ARHGEF3: variants seen among roughly 807,000 people sequenced by gnomAD.
The protein encoded by ARHGEF3 is Rho guanine nucleotide exchange factor 3, also known as 59.8 kDA protein.
A neutral mutation model predicts 63.2 loss-of-function variants in ARHGEF3; 28 were observed. That is an observed-to-expected ratio of 0.44 (90% CI 0.33 to 0.61). ARHGEF3 has a LOEUF of 0.61. Ranked by LOEUF, ARHGEF3 falls within the 20% of genes least tolerant of loss-of-function variation. The pLI, the probability that ARHGEF3 is intolerant of heterozygous loss-of-function variation, is 0.03. For synonymous variants in ARHGEF3, 266 were observed against 254.2 expected (o/e 1.05, Z -0.44); for missense variants, 533 against 659.3 (o/e 0.81, Z 2.10).
intron 2 of ARHGEF3, chr3:56,959,036 C>T (rs1700166744): frequency 1.2e-6 from 1 of 813,754 alleles, no homozygotes; most frequent in Non-Finnish European, 2.0e-6. Context: ...GCTCTGCAAT[C>T]TTCAGCAGCC....
In ARHGEF3 at chr3:56,773,716, G is replaced by T. The variant is rs770710162; in HGVS notation, c.197C>A (p.Thr66Asn). 1.3e-6 allele frequency: 2 copies of T among 1,583,256 alleles called. No homozygotes were observed. Among genetic ancestry groups the T allele is most frequent in the Admixed American group, 3.9e-5 (2 of 50,798 alleles). Residue 66 changes from threonine to asparagine, a missense_variant, in exon 2 of 10, where the codon ACC (threonine) becomes AAC (asparagine). Physicochemically the swap from Thr to Asn is moderately conservative, Grantham distance 65. Coordinates refer to ENST00000296315, the MANE Select transcript of ARHGEF3 (RefSeq NM_019555.3). ...CCTGTGTGCCCTTCTTACCTGCAGG[G>T]TTTGACTGAAGCGCTTTAATGGCGT... ...KATPLKRFSQTLQRSISFRSE... is the reference protein window; with the variant it reads ...KATPLKRFSQNLQRSISFRSE...
chr3:56,872,012 C>T (rs1442635467), intron 4 of ARHGEF3, among the ~76,000 whole-genome samples: 1 of 151,818 alleles, frequency 6.6e-6, no homozygotes. Flanking sequence ...CTTATCATAT[C>T]ACTGAAGGTG....
intron 4 of ARHGEF3, among the ~76,000 whole-genome samples, chr3:56,831,053 T>A (rs75665326): frequency 0.095 from 14,458 of 152,250 alleles, 768 homozygotes; most frequent in South Asian, 0.13. Context: ...AAGACAGAGA[T>A]CTTGTCCCTC....
intron 3 of ARHGEF3, among the ~76,000 whole-genome samples, chr3:56,909,642 A>G (rs920057810): frequency 6.6e-6 from 1 of 152,270 alleles, no homozygotes; most frequent in Non-Finnish European, 1.5e-5. Context: ...GTACCAGTAC[A>G]TCACCATTCA....
At chr3:56,798,537 GTT>G (rs368922829) in intron 1 of ARHGEF3, among the ~76,000 whole-genome samples, 40,692 of 138,650 alleles carry the variant, frequency 0.29, 6,365 homozygotes, top group East Asian at 0.47. Flanking sequence ...TCTTTACTTC[GTT>G]TTTTTTTTTT....
In ARHGEF3 at chr3:56,863,110, C is replaced by A. The variant is rs552204281; in HGVS notation, c.192+19182G>T. 8.4e-4 allele frequency among the ~76,000 whole-genome samples: 127 copies of A among 152,060 alleles called. 2 individuals carry two copies. Among genetic ancestry groups the A allele is most frequent in the South Asian group, 2.7e-3 (13 of 4,812 alleles). Reference sequence around the variant, plus strand: ...TGTGTAAGCAAACTCAGATACTGATCTCCTATTATTAAACCAACACATTTA... The same window carrying A: ...TGTGTAAGCAAACTCAGATACTGATATCCTATTATTAAACCAACACATTTA... On this transcript the variant is annotated intron_variant, in intron 4 of 12. Coordinates refer to the ARHGEF3 transcript ENST00000338458.
chr3:56,744,487 C>G (rs963270293), intron 7 of ARHGEF3, among the ~76,000 whole-genome samples: 2 of 151,444 alleles, frequency 1.3e-5, no homozygotes, highest in African/African-American at 4.9e-5. Flanking sequence ...CAACCTCCAC[C>G]TCCCAGGCTC....
chr3:57,028,770 T>G (rs1473933710), intron 2 of ARHGEF3, among the ~76,000 whole-genome samples: 2 of 151,904 alleles, frequency 1.3e-5, no homozygotes, highest in Non-Finnish European at 2.9e-5. Flanking sequence ...CAATATGTGT[T>G]GTTCACTGGG....
chr3:56,773,290 G>T lies in ARHGEF3; in HGVS notation c.204+419C>A, dbSNP rs961115495. Among the ~76,000 whole-genome samples the T allele has an allele frequency of 2.6e-5, 4 of 152,138 alleles. No homozygotes were observed. The East Asian group carries it at 7.7e-4, about 29-fold the overall frequency. ...AAAAAGTAAAAATCAGGCTTAGCTT[G>T]TGAGCCATAAAAAAACAGGTGGTGA... On this transcript the variant is annotated intron_variant, in intron 2 of 9. Transcript: ENST00000296315.
chr3:56,736,453 T>A (rs534748633), intron 8 of ARHGEF3, among the ~76,000 whole-genome samples: 2 of 152,348 alleles, frequency 1.3e-5, no homozygotes, highest in East Asian at 1.9e-4. Context: ...TTGTTATTTT[T>A]AAAAAATTGG....
rs540550053 is a variant in ARHGEF3 at position 56,899,456 on chromosome 3, C to T, written c.130-17102G>A. Among the ~76,000 whole-genome samples, 4 of 152,278 alleles carry T rather than the reference C, an allele frequency of 2.6e-5. No individual in the cohort carries two copies. The East Asian group carries it at 7.7e-4, about 29-fold the overall frequency. On this transcript the variant is annotated intron_variant, in intron 3 of 12. Transcript: ENST00000338458. ...TACCATGCCCAATCTTTCTCTTCTACGTACAAAGAGGCTCAGACAATAGCA... is the reference window on the plus strand; with the variant it reads ...TACCATGCCCAATCTTTCTCTTCTATGTACAAAGAGGCTCAGACAATAGCA...
At chr3:56,787,297 A>G (rs1163066540) in intron 1 of ARHGEF3, among the ~76,000 whole-genome samples, 3 of 152,190 alleles carry the variant, frequency 2.0e-5, no homozygotes, top group African/African-American at 7.2e-5. Context: ...GACTGTGCAG[A>G]GGGCCACTTG....
intron 2 of ARHGEF3, among the ~76,000 whole-genome samples, chr3:56,964,711 C>T (rs906347670): frequency 1.1e-4 from 17 of 151,858 alleles, no homozygotes; most frequent in African/African-American, 3.6e-4. Flanking sequence ...TGAGGAGTGC[C>T]GCAGGGTCTC....
intron 2 of ARHGEF3, among the ~76,000 whole-genome samples, chr3:56,769,116 T>C (rs537425237): frequency 1.8e-4 from 27 of 152,350 alleles, no homozygotes; most frequent in Admixed American, 1.7e-3. Context: ...CATTCACTTT[T>C]ATAATGGAAA....
chr3:57,041,379 C>T (rs1240162290), intron 1 of ARHGEF3, among the ~76,000 whole-genome samples: 1 of 152,082 alleles, frequency 6.6e-6, no homozygotes, highest in East Asian at 1.9e-4. Flanking sequence ...GTTCAAGATC[C>T]CAAAGTGTAT....
chr3:56,949,385 C>T (rs995913319), intron 3 of ARHGEF3, among the ~76,000 whole-genome samples: 1,770 of 151,762 alleles, frequency 0.012, 37 homozygotes, highest in African/African-American at 0.032. Flanking sequence ...AAAACCCCAT[C>T]GTCTCAGCCC....
intron 4 of ARHGEF3, among the ~76,000 whole-genome samples, chr3:56,818,739 G>C (rs558477088): frequency 1.3e-5 from 2 of 152,186 alleles, no homozygotes; most frequent in African/African-American, 4.8e-5. Flanking sequence ...GCCATCCTAC[G>C]CGCTTGGAAT....
chr3:56,793,318 C>T (rs1371891848), intron 1 of ARHGEF3, among the ~76,000 whole-genome samples: 4 of 152,116 alleles, frequency 2.6e-5, no homozygotes, highest in African/African-American at 9.7e-5. Flanking sequence ...TACAGGTGCC[C>T]GCCACCGCGC....
At chr3:56,850,675 C>T (rs534086698) in intron 4 of ARHGEF3, among the ~76,000 whole-genome samples, 39 of 152,262 alleles carry the variant, frequency 2.6e-4, no homozygotes, top group African/African-American at 8.4e-4. Flanking sequence ...ATTGTGTATT[C>T]GTTTGACAAC....
Sources: allele counts gnomAD v4.1 joint callset (sites outside exome capture counted in the v4.1 genomes callset), GRCh38; gene constraint gnomAD v4.1.1; transcripts MANE v1.5; gene names NCBI Gene and HGNC (gene_info 2026-07-23, HGNC 2026-07-21).